Variants in ASXL3 observed in about 807,000 individuals in gnomAD.
ASXL3 encodes ASXL transcriptional regulator 3.
In ASXL3, 34 loss-of-function variants were observed where a neutral mutation model predicts 170.6. The ratio of observed to expected loss-of-function variants is 0.20; its 90% CI spans 0.15 to 0.27. The LOEUF is 0.27. ASXL3 is among the 10% of genes least tolerant of loss of function. The pLI is 1.00. For synonymous variants in ASXL3, 1,002 were observed against 989.1 expected, an observed-to-expected ratio of 1.01 and a Z score of -0.24; for missense variants, 2,592 against 2,695.3, an observed-to-expected ratio of 0.96 and a Z score of 0.85.
In ASXL3 at chr18:33,743,090, G is replaced by C; in HGVS notation, c.3242G>C (p.Ser1081Thr). The C allele has an allele frequency of 1.2e-6, 2 of 1,613,576 alleles. No homozygotes were observed. The highest frequency in any genetic ancestry group is 3.3e-4 in the Middle Eastern group (2 of 6,058). The change falls in exon 12 of 12, where the codon AGC (serine) becomes ACC (threonine). Residue 1081 changes from serine to threonine, a missense_variant. Transcript: ENST00000269197. The part of the protein sequence containing the change: ...AAAAAVAAAA[S>T]IVSGAMGSPG... ...GCTGCTGCTGTGGCTGCTGCAGCGA[G>C]CATTGTCTCTGGAGCCATGGGAAGT...
Position 33,728,186 on chromosome 18 carries a change from A to G in ASXL3, c.880-3782A>G, listed in dbSNP as rs79676015. Among the ~76,000 whole-genome samples, 1,168 of 152,316 alleles carry G rather than the reference A, an allele frequency of 7.7e-3. 10 individuals are homozygous for G. Among genetic ancestry groups the G allele is most frequent in the African/African-American group, 0.027 (1,130 of 41,564 alleles). ...TCACTACTCAAAGCAAGGGCAGTAC[A>G]ATAAACTTTTATTTACCATCTGCAA... On this transcript the variant is annotated intron_variant, in intron 8 of 11. Transcript: ENST00000269197.
chr18:33,607,710 C>T (rs2065271151), intron 2 of ASXL3, 34 bp downstream of exon 2: 2 of 1,472,122 alleles, frequency 1.4e-6, no homozygotes, highest in Non-Finnish European at 1.9e-6. Flanking sequence ...TTTCTGTTTT[C>T]ATTAAATAAT....
chr18:33,641,786 C>T (rs568653929), intron 2 of ASXL3: 4 of 152,492 alleles, frequency 2.6e-5, no homozygotes, highest in Admixed American at 6.6e-5. Context: ...TTCTATAAAT[C>T]GGGATATCGT....
intron 1 of ASXL3, among the ~76,000 whole-genome samples, chr18:33,583,914 A>G (rs1237858389): frequency 6.6e-6 from 1 of 152,210 alleles, no homozygotes; most frequent in African/African-American, 2.4e-5. Flanking sequence ...TATGATTCAG[A>G]TGCTGTTGAG....
chr18:33,716,157 A>G (rs935136984), intron 8 of ASXL3, among the ~76,000 whole-genome samples: 13 of 152,328 alleles, frequency 8.5e-5, no homozygotes, highest in Middle Eastern at 3.4e-3. Context: ...GATAGAGTGC[A>G]AAAGTAGATT....
intron 2 of ASXL3, among the ~76,000 whole-genome samples, chr18:33,610,968 G>A (rs1439712912): frequency 2.0e-5 from 3 of 152,014 alleles, no homozygotes; most frequent in East Asian, 3.9e-4. Flanking sequence ...GTTTGAACTT[G>A]CAACTTATAA....
chr18:33,742,309 A>G (rs949703579), intron 11 of ASXL3, among the ~76,000 whole-genome samples: 1 of 152,216 alleles, frequency 6.6e-6, no homozygotes, highest in Non-Finnish European at 1.5e-5. Context: ...CATGCAAGGT[A>G]GCATAGGAGT....
chr18:33,719,968 A>G (rs372087775), intron 8 of ASXL3, among the ~76,000 whole-genome samples: 8 of 152,138 alleles, frequency 5.3e-5, no homozygotes, highest in South Asian at 2.1e-4. Context: ...GAAAGCACTC[A>G]GTTAGTCTAT....
rs376654969 is a variant in ASXL3 at position 33,601,785 on chromosome 18, G to GTTTATATATATATATATATATATATA, written c.55-5808_55-5807insTTATATATATATATATATATATATAT. ...TGAGAATTTAAGTAAATATCTGATT[G>GTTTATATATATATATATATATATATA]TATATATATAGTTTGTTTGTTTTGA... On this transcript the variant is annotated intron_variant, in intron 1 of 11. Coordinates refer to ENST00000269197, the MANE Select transcript of ASXL3 (RefSeq NM_030632.3). Among the ~76,000 whole-genome samples the GTTTATATATATATATATATATATATA allele has an allele frequency of 1.6e-3, 163 of 103,950 alleles. 13 individuals carry two copies. The highest frequency in any genetic ancestry group is 2.9e-3 in the Admixed American group (31 of 10,814). The allele number at this position is 103,950 out of a possible 152,430, so 68.2% of individuals were successfully genotyped here.
intron 7 of ASXL3, among the ~76,000 whole-genome samples, chr18:33,678,719 G>C (rs2066469653): frequency 6.6e-6 from 1 of 152,088 alleles, no homozygotes; most frequent in Admixed American, 6.6e-5. Flanking sequence ...CCTTCTCTGG[G>C]TACTATAGGG....
At chr18:33,615,997 TTAAA>T (rs1170091086) in intron 2 of ASXL3, among the ~76,000 whole-genome samples, 2 of 152,182 alleles carry the variant, frequency 1.3e-5, no homozygotes, top group South Asian at 2.1e-4. Context: ...ATAACATTGA[TTAAA>T]TAAGTCATAG....
intron 2 of ASXL3, among the ~76,000 whole-genome samples, chr18:33,611,272 A>T (rs1162839262): frequency 6.6e-6 from 1 of 152,116 alleles, no homozygotes; most frequent in East Asian, 1.9e-4. Flanking sequence ...GTAAAAAAGA[A>T]ATATGAATAT....
At chr18:33,587,412 T>A (rs1443469580) in intron 1 of ASXL3, among the ~76,000 whole-genome samples, 1 of 152,196 alleles carries the variant, frequency 6.6e-6, no homozygotes, top group Non-Finnish European at 1.5e-5. Context: ...AACTTTCTTA[T>A]ATCACGCTCC....
Position 33,747,988 on chromosome 18 carries a change from A to G in ASXL3, c.*1393A>G, listed in dbSNP as rs900175235. 2 of 152,214 alleles carry G rather than the reference A, an allele frequency of 1.3e-5. No homozygotes were observed. Among genetic ancestry groups the G allele is most frequent in the Non-Finnish European group, 2.9e-5 (2 of 68,048 alleles). The allele number at this position is 152,214 out of a possible 1,614,324, so 9.4% of individuals were successfully genotyped here. A position where few individuals can be genotyped will look rare whatever the true frequency, so the allele number is the denominator to read the frequency against. On this transcript the variant is annotated 3_prime_UTR_variant, in exon 12 of 12. Coordinates refer to ENST00000269197, the MANE Select transcript of ASXL3 (RefSeq NM_030632.3). ...TTTTCAAAAGCAAGTTCAAAAGCAC[A>G]TGCACATTGAGGGAAGATGAAAGAA...
chr18:33,644,081 A>G (rs2065883087), intron 2 of ASXL3, among the ~76,000 whole-genome samples: 1 of 151,960 alleles, frequency 6.6e-6, no homozygotes, highest in Non-Finnish European at 1.5e-5. Flanking sequence ...TGTACTTTAT[A>G]TTTTATAAAC....
At chr18:33,598,083 A>G (rs2065146837) in intron 1 of ASXL3, among the ~76,000 whole-genome samples, 1 of 152,114 alleles carries the variant, frequency 6.6e-6, no homozygotes, top group Non-Finnish European at 1.5e-5. Context: ...GGTGTTTAGT[A>G]TTCATATGTA....
chr18:33,681,696 T>G (rs998885203), intron 7 of ASXL3, among the ~76,000 whole-genome samples: 6 of 152,030 alleles, frequency 3.9e-5, no homozygotes, highest in Non-Finnish European at 7.4e-5. Context: ...TTTAAGAACT[T>G]TAATCATTAT....
chr18:33,743,197 C>G lies in ASXL3; in HGVS notation c.3349C>G (p.Arg1117Gly). The G allele has an allele frequency of 1.2e-6, 2 of 1,613,958 alleles. No homozygotes were observed. Among genetic ancestry groups the G allele is most frequent in the Non-Finnish European group, 1.7e-6 (2 of 1,179,882 alleles). The stretch of plus-strand genomic sequence containing the variant: ...TAAGCTCTTTGCAAAGCATCAAGCT[C>G]GAGCCCATCTCTTCCAGACCTCTAA... Reference protein sequence around the residue: ...KAKLFAKHQARAHLFQTSKET... With the variant: ...KAKLFAKHQAGAHLFQTSKET... Residue 1117 changes from arginine to glycine, a missense_variant, in exon 12 of 12, where the codon CGA (arginine) becomes GGA (glycine). Physicochemically the swap from Arg to Gly is moderately radical, Grantham distance 125 (BLOSUM62 -2). This residue lies in a region of ASXL3 where 2,246 missense variants were observed against 2,219.6 expected (regional missense o/e 1.01). Transcript: ENST00000269197.
Position 33,738,768 on chromosome 18 carries a change from C to T in ASXL3, c.1364C>T (p.Ala455Val), listed in dbSNP as rs999664010. ...PEESVIQEEI[A>V]EEVETSICEC... The stretch of plus-strand genomic sequence containing the variant: ...GAATCTGTAATTCAGGAGGAAATTG[C>T]AGAAGAGGTAGAGACTAGTATCTGT... The change falls in exon 11 of 12, where the codon GCA becomes GTA. Residue 455 changes from alanine to valine, a missense_variant. Ala to Val is a moderately conservative substitution (Grantham distance 64). Transcript: ENST00000269197. 3 of 1,613,680 alleles carry T rather than the reference C, an allele frequency of 1.9e-6. No individual in the cohort carries two copies. The highest frequency in any genetic ancestry group is 2.5e-6 in the Non-Finnish European group (3 of 1,179,852).
Sources: gnomAD v4.1 joint callset for allele counts (sites outside exome capture counted in the v4.1 genomes callset) on GRCh38, gnomAD v4.1.1 for gene constraint, gnomAD v4.1.1 regional missense constraint, MANE v1.5 for transcripts, NCBI Gene and HGNC (gene_info 2026-07-23, HGNC 2026-07-21) for gene names.